The following BCKDK variants were observed in gnomAD, a reference collection of about 807,000 sequenced individuals.
BCKDK encodes the protein branched chain keto acid dehydrogenase kinase.
A neutral mutation model predicts 43.9 loss-of-function variants in BCKDK; 28 were observed. The ratio of observed to expected loss-of-function variants is 0.64; its 90% confidence interval spans 0.47 to 0.87. The LOEUF is 0.87. Ranked by LOEUF, BCKDK falls within the 40% of genes least tolerant of loss-of-function variation. The probability of loss-of-function intolerance (pLI) is 0.00; values close to 1 mark genes in which losing one functional copy is unlikely to be tolerated. For missense variants in BCKDK, 483 were observed against 581.4 expected (o/e 0.83, Z 1.74); for synonymous variants, 257 against 234.3 (o/e 1.10, Z -0.88).
chr16:31,115,415 G>A (rs987409405), downstream of BCKDK, among the ~76,000 whole-genome samples: 3 of 151,440 alleles, frequency 2.0e-5, no homozygotes, highest in Non-Finnish European at 4.4e-5. Context: ...TAGAGATGGG[G>A]TTTCTCCATG....
rs1397101836 is a variant in BCKDK, at chr16:31,111,857, C to T, written c.936-12C>T. 4 of 1,613,816 alleles carry T rather than the reference C, an allele frequency of 2.5e-6. No individual in the cohort carries two copies. The highest frequency in any genetic ancestry group is 3.4e-6 in the Non-Finnish European group (4 of 1,179,862). On this transcript the variant is annotated splice_polypyrimidine_tract_variant and intron_variant, in intron 10 of 11. Transcript: ENST00000219794. ...AGCTGAGCCAAGCCCATTGTTGTTG[C>T]CATCTTGCTAGGATCTCAGACCGTG...
rs2057398383 is a variant in BCKDK, at chr16:31,110,146, G to C, written c.423+22G>C. ...TCCGGTGAGTGCTGGGCCAGAGCAGGGTGAGGGGCTGAGAGGTTGGGCTTG... is the reference window on the plus strand; with the variant it reads ...TCCGGTGAGTGCTGGGCCAGAGCAGCGTGAGGGGCTGAGAGGTTGGGCTTG... On this transcript the variant is annotated intron_variant, in intron 5 of 11. Transcript: ENST00000219794. The surrounding 1 kb of genome is among the most constrained non-coding windows in gnomAD (Gnocchi z 5.4). 1.9e-6 allele frequency: 3 copies of C among 1,614,064 alleles called. No homozygotes were observed. The highest frequency in any genetic ancestry group is 1.7e-5 in the Admixed American group (1 of 60,004).
Position 31,109,261 on chromosome 16 carries a change from G to C in BCKDK, c.38G>C (p.Gly13Ala), listed in dbSNP as rs748666025. The change falls in exon 2 of 12, where the codon GGC becomes GCC. Residue 13 changes from glycine to alanine, a missense_variant. By Grantham distance (60) the Gly-to-Ala change is moderately conservative. Coordinates refer to ENST00000219794, the MANE Select transcript of BCKDK (RefSeq NM_005881.4). This position sits in a 1 kb window ranked among gnomAD's most constrained non-coding sequence, Gnocchi z 5.3. ...TCGGTGCTGAGGAGCGGTCCCGGGG[G>C]CGGGCTTCCGCTCCGGCCCCTCCTG... ...LASVLRSGPG[G>A]GLPLRPLLGP... The C allele has an allele frequency of 1.7e-5, 27 of 1,557,098 alleles. No individual in the cohort carries two copies. The South Asian group carries it at 3.1e-4, about 18-fold the overall frequency.
Position 31,110,664 on chromosome 16 carries a change from T to C in BCKDK, c.643-24T>C. The C allele has an allele frequency of 6.2e-7, 1 of 1,613,350 alleles. No individual in the cohort carries two copies. The highest frequency in any genetic ancestry group is 1.3e-5 in the African/African-American group (1 of 75,012). ...GGGGTGGGGCTAGGGGCGTGGGTAG[T>C]CCTGACCTCCTTTCTCCGGCCAGCC... On this transcript the variant is annotated intron_variant, in intron 7 of 11. Coordinates refer to ENST00000219794, the MANE Select transcript of BCKDK (RefSeq NM_005881.4). This position sits in a 1 kb window ranked among gnomAD's most constrained non-coding sequence, Gnocchi z 5.4.
Position 31,110,691 on chromosome 16 carries a change from G to T in BCKDK, c.646G>T (p.Asp216Tyr). 1 of 1,614,088 alleles carries T rather than the reference G, an allele frequency of 6.2e-7. No homozygotes were observed. Among genetic ancestry groups the T allele is most frequent in the South Asian group, 1.1e-5 (1 of 91,068 alleles). The change falls in exon 8 of 12, where the codon GAC becomes TAC. Residue 216 changes from aspartate (D) to tyrosine (Y), a missense_variant. Coordinates refer to ENST00000219794, the MANE Select transcript of BCKDK (RefSeq NM_005881.4). The surrounding 1 kb of genome is among the most constrained non-coding windows in gnomAD (Gnocchi z 5.4). ...CTGACCTCCTTTCTCCGGCCAGCCTGACTTTGTCGGCATCATCTGTACTCG... is the reference window on the plus strand; with the variant it reads ...CTGACCTCCTTTCTCCGGCCAGCCTTACTTTGTCGGCATCATCTGTACTCG... ...HHLALHEDKPDFVGIICTRLS... is the reference protein window; with the variant it reads ...HHLALHEDKPYFVGIICTRLS...
In BCKDK at chr16:31,110,310, C is replaced by T. The variant is rs774302251; in HGVS notation, c.529C>T (p.Arg177Trp). The T allele has an allele frequency of 7.4e-6, 12 of 1,613,770 alleles. No individual in the cohort carries two copies. The highest frequency in any genetic ancestry group is 2.2e-5 in the South Asian group (2 of 91,074). The change falls in exon 6 of 12, where the codon CGG becomes TGG. Residue 177 changes from arginine (R) to tryptophan (W), a missense_variant. Physicochemically the swap from Arg to Trp is moderately radical, Grantham distance 101. Transcript: ENST00000219794. This position sits in a 1 kb window ranked among gnomAD's most constrained non-coding sequence, Gnocchi z 5.4. ...TLLAEGLRES[R>W]KHIEDEKLVR... ...CTTGGCAGAGGGCCTACGTGAGAGC[C>T]GGAAGCACATAGAGGTTGGGGCAGC...
intron 8 of BCKDK, 69 bp from the exon 9 acceptor site, chr16:31,111,022 G>A: frequency 6.3e-7 from 1 of 1,595,130 alleles, no homozygotes; most frequent in Non-Finnish European, 8.5e-7. Context: ...ACTTAGGGGG[G>A]CAGAATTGTT....
downstream of BCKDK, among the ~76,000 whole-genome samples, chr16:31,115,305 C>T (rs1007585754): frequency 2.6e-5 from 4 of 151,294 alleles, no homozygotes; most frequent in Admixed American, 6.6e-5. Flanking sequence ...TCACCACAAC[C>T]TCTGCCTCCC....
In BCKDK at chr16:31,110,462, T is replaced by C; in HGVS notation, c.605T>C (p.Met202Thr). The C allele has an allele frequency of 1.9e-6, 3 of 1,613,842 alleles. No homozygotes were observed. The highest frequency in any genetic ancestry group is 2.5e-6 in the Non-Finnish European group (3 of 1,180,016). ...KTLTSRLGIR[M>T]LATHHLALHE... ...CTGACTTCGAGGCTTGGAATCCGCA[T>C]GTTGGCCACGCATCACCTGGCGCTG... The change falls in exon 7 of 12, where the codon ATG becomes ACG. Residue 202 changes from methionine (M) to threonine (T), a missense_variant. Transcript: ENST00000219794. This position sits in a 1 kb window ranked among gnomAD's most constrained non-coding sequence, Gnocchi z 5.4.
At chr16:31,111,466 T>C (rs2057412051) in intron 10 of BCKDK, 77 bp downstream of exon 10, 2 of 1,486,574 alleles carry the variant, frequency 1.3e-6, no homozygotes, top group African/African-American at 1.4e-5. Flanking sequence ...ATTTAGGACC[T>C]TGAGCCCCTT....
In BCKDK at chr16:31,110,996, C is replaced by A; in HGVS notation, c.717-95C>A. On this transcript the variant is annotated intron_variant, in intron 8 of 11. Transcript: ENST00000219794. This position sits in a 1 kb window ranked among gnomAD's most constrained non-coding sequence, Gnocchi z 5.4. Reference sequence around the variant, plus strand: ...GTTGTGACAAACAAAAATGTCTCTGCACATTGCCATATGTTACTTAGGGGG... The same window carrying A: ...GTTGTGACAAACAAAAATGTCTCTGAACATTGCCATATGTTACTTAGGGGG... 6.4e-7 allele frequency: 1 copy of A among 1,559,928 alleles called. No homozygotes were observed. Among genetic ancestry groups the A allele is most frequent in the Non-Finnish European group, 8.7e-7 (1 of 1,149,204 alleles).
rs752120800 is a variant in BCKDK at position 31,110,368 on chromosome 16, G to A, written c.544-33G>A. The A allele has an allele frequency of 6.2e-7, 1 of 1,614,090 alleles. No individual in the cohort carries two copies. The highest frequency in any genetic ancestry group is 1.1e-5 in the South Asian group (1 of 91,074). On this transcript the variant is annotated intron_variant, in intron 6 of 11. Coordinates refer to ENST00000219794, the MANE Select transcript of BCKDK (RefSeq NM_005881.4). This position sits in a 1 kb window ranked among gnomAD's most constrained non-coding sequence, Gnocchi z 5.4. ...AGGCCGGGCCTGCTGGGGGTGGGAA[G>A]GGCACGGGATTCTGAGACCTCACTC...
At position 31,108,521 on chromosome 16, in the gene BCKDK, C is replaced by G. The variant is rs1244670056; in HGVS notation, c.-178+42C>G. ...CAGCCTACTCAGTCCGCGGAGGCCC[C>G]GCGGCGCACGTCCGCAGCCTCCATC... On this transcript the variant is annotated intron_variant, in intron 1 of 11. Coordinates refer to ENST00000219794, the MANE Select transcript of BCKDK (RefSeq NM_005881.4). This position sits in a 1 kb window ranked among gnomAD's most constrained non-coding sequence, Gnocchi z 6.2. The G allele has an allele frequency of 1.3e-5, 2 of 152,188 alleles. No individual in the cohort carries two copies. Among genetic ancestry groups the G allele is most frequent in the Non-Finnish European group, 2.9e-5 (2 of 68,070 alleles). The allele number at this position is 152,188 out of a possible 1,614,324, so 9.4% of individuals were successfully genotyped here.
Position 31,109,798 on chromosome 16 carries a change from A to G in BCKDK, c.375+15A>G, listed in dbSNP as rs1179076083. On this transcript the variant is annotated intron_variant, in intron 4 of 11. Coordinates refer to ENST00000219794, the MANE Select transcript of BCKDK (RefSeq NM_005881.4). The surrounding 1 kb of genome is among the most constrained non-coding windows in gnomAD (Gnocchi z 5.3). ...TACTGCACGTGGTAAGGTAGAGAGG[A>G]CCTTAGGTCAGCGGGCCACCCTGCC... The G allele has an allele frequency of 1.9e-6, 3 of 1,612,242 alleles. No individual in the cohort carries two copies. The highest frequency in any genetic ancestry group is 2.5e-6 in the Non-Finnish European group (3 of 1,178,972).
At chr16:31,113,597 C>T (rs1267780465), downstream of BCKDK, among the ~76,000 whole-genome samples, 1 of 152,174 alleles carries the variant, frequency 6.6e-6, no homozygotes, top group Non-Finnish European at 1.5e-5. Flanking sequence ...CCACCTCAGC[C>T]TTCTGAGTAG....
chr16:31,115,487 T>A (rs543131781), downstream of BCKDK, among the ~76,000 whole-genome samples: 15 of 152,028 alleles, frequency 9.9e-5, no homozygotes, highest in Non-Finnish European at 1.9e-4. Flanking sequence ...CCTCCCAAAG[T>A]GGTGGGATTA....
Position 31,109,644 on chromosome 16 carries a change from C to A in BCKDK, c.265-29C>A, listed in dbSNP as rs1312600441. On this transcript the variant is annotated intron_variant, in intron 3 of 11. Coordinates refer to ENST00000219794, the MANE Select transcript of BCKDK (RefSeq NM_005881.4). This position sits in a 1 kb window ranked among gnomAD's most constrained non-coding sequence, Gnocchi z 5.3. ...GCTCTCCCAGACACTCAGGCTCCAG[C>A]CCCGCCTTCCCTTCTCATTTTCTCC... The A allele has an allele frequency of 1.2e-6, 2 of 1,613,588 alleles. No homozygotes were observed. The highest frequency in any genetic ancestry group is 2.2e-5 in the South Asian group (2 of 91,076).
Position 31,109,966 on chromosome 16 carries a change from T to A in BCKDK, c.376-111T>A. 1 of 1,503,156 alleles carries A rather than the reference T, an allele frequency of 6.7e-7. No homozygotes were observed. The highest frequency in any genetic ancestry group is 1.1e-5 in the South Asian group (1 of 88,494). 93.1% of individuals were successfully genotyped at this position (1,503,156 alleles called of 1,614,324 possible). On this transcript the variant is annotated intron_variant, in intron 4 of 11. Coordinates refer to ENST00000219794, the MANE Select transcript of BCKDK (RefSeq NM_005881.4). The surrounding 1 kb of genome is among the most constrained non-coding windows in gnomAD (Gnocchi z 5.3). Reference sequence around the variant, plus strand: ...AGCCTGGAAGGGTCGAAGTGGGGGTTTGATCACGTGGTCGACCAGCTGGGT... The same window carrying A: ...AGCCTGGAAGGGTCGAAGTGGGGGTATGATCACGTGGTCGACCAGCTGGGT...
chr16:31,115,507 G>C (rs2057440217), downstream of BCKDK, among the ~76,000 whole-genome samples: 1 of 152,062 alleles, frequency 6.6e-6, no homozygotes, highest in Admixed American at 6.6e-5. Flanking sequence ...ACAGGAGTGA[G>C]CCACTGCGCC....
Sources: allele counts gnomAD v4.1 joint callset (sites outside exome capture counted in the v4.1 genomes callset), GRCh38; gene constraint gnomAD v4.1.1; non-coding constraint Gnocchi (gnomAD v3.1); transcripts MANE v1.5; gene names NCBI Gene and HGNC (gene_info 2026-07-23, HGNC 2026-07-21).